Variants in SMARCA4 observed in about 807,000 individuals in gnomAD.
SMARCA4 encodes the protein SWI/SNF-related matrix-associated actin-dependent regulator of chromatin subfamily A member 4.
SMARCA4 carries 31 observed loss-of-function variants against 193.9 expected under a neutral mutation model. The ratio of observed to expected loss-of-function variants is 0.16; its 90% CI spans 0.12 to 0.22. The LOEUF is 0.22. Ranked by LOEUF, SMARCA4 falls within the 10% of genes least tolerant of loss-of-function variation. The pLI, the probability that SMARCA4 is intolerant of heterozygous loss-of-function variation, is 1.00. For missense variants in SMARCA4, 1,148 were observed against 2,296.0 expected (o/e 0.50, Z 10.22); for synonymous variants, 942 against 933.1 (o/e 1.01, Z -0.17).
Position 11,009,007 on chromosome 19 carries a change from C to CTTTTTTTTTTTTTTTTT in SMARCA4, c.2123+1002_2123+1018dup, listed in dbSNP as rs762148337. On this transcript the variant is annotated intron_variant, in intron 14 of 34. Transcript: ENST00000344626. ...AAAAAATGTAGGTGGATAAAAGTCACTTTTTTTTTTTTTTTTTTTTTTTTT... is the reference window on the plus strand; with the variant it reads ...AAAAAATGTAGGTGGATAAAAGTCACTTTTTTTTTTTTTTTTTTTTTTTTTTTTTTTTTTTTTTTTTT... Among the ~76,000 whole-genome samples, 11 of 40,956 alleles carry CTTTTTTTTTTTTTTTTT rather than the reference C, an allele frequency of 2.7e-4. 2 individuals are homozygous for CTTTTTTTTTTTTTTTTT. Among genetic ancestry groups the CTTTTTTTTTTTTTTTTT allele is most frequent in the Non-Finnish European group, 3.7e-4 (9 of 24,632 alleles). The allele number at this position is 40,956 out of a possible 152,430, so 26.9% of individuals were successfully genotyped here.
intron 1 of SMARCA4, chr19:10,983,839 G>A (rs781444749): frequency 1.7e-4 from 88 of 513,598 alleles, no homozygotes; most frequent in Admixed American, 5.5e-4. Flanking sequence ...ACCCTCTGCC[G>A]TGATCAGGAA....
chr19:11,031,257 G>T lies in SMARCA4; in HGVS notation c.3546+364G>T. On this transcript the variant is annotated intron_variant, in intron 25 of 34. Transcript: ENST00000344626. The surrounding 1 kb of genome is among the most constrained non-coding windows in gnomAD (Gnocchi z 4.3). ...GTGCCCTGTGAGCACACACACTGGC[G>T]CTTGTTCAGACACAATTGGGGGTAA... 2.9e-6 allele frequency: 1 copy of T among 346,526 alleles called. No homozygotes were observed. 21.5% of individuals were successfully genotyped at this position (346,526 alleles called of 1,614,324 possible). A position where few individuals can be genotyped will look rare whatever the true frequency, so the allele number is the denominator to read the frequency against.
intron 16 of SMARCA4, among the ~76,000 whole-genome samples, chr19:11,016,302 A>G (rs2089357060): frequency 6.6e-6 from 1 of 152,172 alleles, no homozygotes; most frequent in Non-Finnish European, 1.5e-5. Flanking sequence ...CATGACACAG[A>G]TGCCTCCCAC....
chr19:10,986,737 G>T lies in SMARCA4; in HGVS notation c.760+144G>T. 5.2e-6 allele frequency: 7 copies of T among 1,335,404 alleles called. No individual in the cohort carries two copies. The highest frequency in any genetic ancestry group is 7.2e-6 in the Non-Finnish European group (7 of 968,142). 82.7% of individuals were successfully genotyped at this position (1,335,404 alleles called of 1,614,324 possible). A position where few individuals can be genotyped will look rare whatever the true frequency, so the allele number is the denominator to read the frequency against. On this transcript the variant is annotated intron_variant, in intron 4 of 34. Transcript: ENST00000344626. The surrounding 1 kb of genome is among the most constrained non-coding windows in gnomAD (Gnocchi z 6.7). ...CCCATACTGCACTTCTGGGTGCTCGGGTGGTGGGGGCAGCTAAATGCTGCT... is the reference window on the plus strand; with the variant it reads ...CCCATACTGCACTTCTGGGTGCTCGTGTGGTGGGGGCAGCTAAATGCTGCT...
Position 11,019,793 on chromosome 19 carries a change from C to T in SMARCA4, c.2616+92C>T. The T allele has an allele frequency of 1.1e-6, 1 of 898,088 alleles. No homozygotes were observed. 55.6% of individuals were successfully genotyped at this position (898,088 alleles called of 1,614,324 possible). A position where few individuals can be genotyped will look rare whatever the true frequency, so the allele number is the denominator to read the frequency against. ...TCTCCTCCAAAGCCCCTACAAGTTT[C>T]TTCCCGGAGTCCCACCTGCATGTGC... On this transcript the variant is annotated intron_variant, in intron 18 of 34. Transcript: ENST00000344626. This position sits in a 1 kb window ranked among gnomAD's most constrained non-coding sequence, Gnocchi z 6.1.
chr19:10,961,734 AG>A (rs1207685784), intron 1 of SMARCA4: 1 of 152,184 alleles, frequency 6.6e-6, no homozygotes, highest in Non-Finnish European at 1.5e-5. Flanking sequence ...GGAAAGGTAA[AG>A]GACTCCCCCG....
chr19:11,055,917 C>G (rs1029493218), intron 30 of SMARCA4, among the ~76,000 whole-genome samples: 1 of 151,834 alleles, frequency 6.6e-6, no homozygotes, highest in African/African-American at 2.4e-5. Context: ...TGGAAAATGG[C>G]AAAGCGCGCT....
intron 30 of SMARCA4, among the ~76,000 whole-genome samples, chr19:11,053,027 G>T (rs953289576): frequency 6.6e-6 from 1 of 152,190 alleles, no homozygotes; most frequent in African/African-American, 2.4e-5. Context: ...TCAGGTTCTT[G>T]CCTCCAGATA....
At chr19:11,015,484 T>C (rs73013166) in intron 16 of SMARCA4, among the ~76,000 whole-genome samples, 7,138 of 152,178 alleles carry the variant, frequency 0.047, 218 homozygotes, top group Middle Eastern at 0.14. Flanking sequence ...TGATGTGCCT[T>C]AGCGGGGAAG....
At chr19:11,006,764 A>T (rs920601536) in intron 13 of SMARCA4, among the ~76,000 whole-genome samples, 1 of 152,122 alleles carries the variant, frequency 6.6e-6, no homozygotes, top group Non-Finnish European at 1.5e-5. Flanking sequence ...TAGTAATGAA[A>T]GTCCACAATA....
Position 11,049,932 on chromosome 19 carries a change from G to A in SMARCA4, c.4425-8323G>A, listed in dbSNP as rs550900210. On this transcript the variant is annotated intron_variant, in intron 30 of 34. Coordinates refer to ENST00000344626, the MANE Select transcript of SMARCA4 (RefSeq NM_003072.5). ...GCTTGGCCAACGTGGCAAAAACCCC[G>A]TCTCTATTAAAATACAAAAATTAGC... Among the ~76,000 whole-genome samples the A allele has an allele frequency of 2.1e-3, 322 of 152,258 alleles. 5 individuals are homozygous for A. The South Asian group carries it at 0.025, about 12-fold the overall frequency.
At chr19:10,972,955 G>A (rs367551477) in intron 1 of SMARCA4, among the ~76,000 whole-genome samples, 8 of 152,062 alleles carry the variant, frequency 5.3e-5, no homozygotes, top group Non-Finnish European at 8.8e-5. Flanking sequence ...CAAAAAATAC[G>A]AAAATTAGCT....
chr19:11,027,980 C>G (rs774945985), intron 24 of SMARCA4, 30 bp downstream of exon 24: 1 of 1,611,868 alleles, frequency 6.2e-7, no homozygotes. Flanking sequence ...GCGTTTCTTA[C>G]AGGGTTTTGT....
rs2146364103 is a variant in SMARCA4, at chr19:11,019,092, C to A, written c.2505+69C>A. The A allele has an allele frequency of 8.6e-7, 1 of 1,164,170 alleles. No homozygotes were observed. The highest frequency in any genetic ancestry group is 1.3e-6 in the Non-Finnish European group (1 of 769,706). The allele number at this position is 1,164,170 out of a possible 1,614,324, so 72.1% of individuals were successfully genotyped here. On this transcript the variant is annotated intron_variant, in intron 17 of 34. Transcript: ENST00000344626. The surrounding 1 kb of genome is among the most constrained non-coding windows in gnomAD (Gnocchi z 6.1). ...CAGGCGGTGGTGGGCAGGACGTCCA[C>A]ACATACCTCTGGACAGTGAACCTGA...
In SMARCA4 at chr19:11,024,314, TTA is replaced by T. The variant is rs747752982; in HGVS notation, c.2974-15_2974-14del. On this transcript the variant is annotated splice_polypyrimidine_tract_variant and intron_variant, in intron 20 of 34. Coordinates refer to ENST00000344626, the MANE Select transcript of SMARCA4 (RefSeq NM_003072.5). ...AAGCCACCTTGGGCCCTCGTGAGCA[TTA>T]TGTGTCCCCTGCAGGTGGAGTACGT... 2 of 1,581,892 alleles carry T rather than the reference TTA, an allele frequency of 1.3e-6. No individual in the cohort carries two copies. The highest frequency in any genetic ancestry group is 1.1e-5 in the South Asian group (1 of 90,528).
intron 13 of SMARCA4, among the ~76,000 whole-genome samples, chr19:11,004,267 T>G (rs78377018): frequency 4.5e-4 from 65 of 144,478 alleles, no homozygotes; most frequent in Middle Eastern, 7.7e-3. Context: ...TTTTTTTTTT[T>G]GAGACAGAGT....
At chr19:11,045,661 T>C (rs1323182358) in intron 30 of SMARCA4, among the ~76,000 whole-genome samples, 1 of 152,166 alleles carries the variant, frequency 6.6e-6, no homozygotes, top group African/African-American at 2.4e-5. Context: ...TTTTTTAGTT[T>C]TAGACTCACA....
At chr19:10,973,401 G>A (rs1008715759) in intron 1 of SMARCA4, among the ~76,000 whole-genome samples, 1 of 151,452 alleles carries the variant, frequency 6.6e-6, no homozygotes, top group East Asian at 1.9e-4. Context: ...GCTCTTAAGC[G>A]GTTTTCTTTT....
chr19:10,962,455 G>GAC (rs1370423189), intron 1 of SMARCA4, among the ~76,000 whole-genome samples: 2 of 152,252 alleles, frequency 1.3e-5, no homozygotes, highest in East Asian at 3.9e-4. Context: ...CTGTGAGAGG[G>GAC]ACACAGCGGA....
Sources: gnomAD v4.1 joint callset for allele counts (sites outside exome capture counted in the v4.1 genomes callset) on GRCh38, gnomAD v4.1.1 for gene constraint, Gnocchi (gnomAD v3.1) non-coding constraint, MANE v1.5 for transcripts, NCBI Gene and HGNC (gene_info 2026-07-23, HGNC 2026-07-21) for gene names.